Variants in RANBP9 observed in about 807,000 individuals in gnomAD.
The protein encoded by RANBP9 is RAN binding protein 9, also known as ran-binding protein 9.
RANBP9 carries 15 observed loss-of-function variants against 84.3 expected under a neutral mutation model. That is an observed-to-expected ratio of 0.18 (90% CI 0.12 to 0.27). The LOEUF (loss-of-function observed/expected upper bound fraction) is 0.27, where lower values mean the gene tolerates loss of function less well. RANBP9 is among the 10% of genes least tolerant of loss of function. The pLI is 1.00. For missense variants in RANBP9, 809 were observed against 912.8 expected, an observed-to-expected ratio of 0.89 and a Z score of 1.46; for synonymous variants, 392 against 349.6, an observed-to-expected ratio of 1.12 and a Z score of -1.35.
At chr6:13,634,830 T>C (rs147080671) in intron 10 of RANBP9, among the ~76,000 whole-genome samples, 4 of 152,294 alleles carry the variant, frequency 2.6e-5, no homozygotes, top group Admixed American at 2.0e-4. Context: ...GAAATCATAC[T>C]TCCACACAAT....
chr6:13,648,139 TG>T (rs35679401), intron 5 of RANBP9, among the ~76,000 whole-genome samples: 6 of 136,290 alleles, frequency 4.4e-5, no homozygotes, highest in Non-Finnish European at 7.9e-5. Flanking sequence ...CTTATATGAC[TG>T]GTTTTTTTTT....
At chr6:13,709,476 C>T (rs1758217300) in intron 1 of RANBP9, among the ~76,000 whole-genome samples, 1 of 152,302 alleles carries the variant, frequency 6.6e-6, no homozygotes, top group African/African-American at 2.4e-5. Context: ...TTTCTGGCAG[C>T]CAGATCAGAA....
chr6:13,694,639 T>TAATTGG (rs1284045293), intron 2 of RANBP9, among the ~76,000 whole-genome samples: 28 of 152,184 alleles, frequency 1.8e-4, no homozygotes, highest in Admixed American at 1.8e-3. Flanking sequence ...CCAAAAATAT[T>TAATTGG]AATTGGAAAA....
chr6:13,698,657 T>C (rs955383028), intron 1 of RANBP9, among the ~76,000 whole-genome samples: 2 of 152,204 alleles, frequency 1.3e-5, no homozygotes, highest in African/African-American at 4.8e-5. Context: ...GTTACATATA[T>C]TTAATACCGT....
intron 5 of RANBP9, among the ~76,000 whole-genome samples, chr6:13,647,808 G>T (rs1765206008): frequency 6.6e-6 from 1 of 152,076 alleles, no homozygotes; most frequent in African/African-American, 2.4e-5. Flanking sequence ...TCACTGAAAA[G>T]TAAGTATAAT....
intron 1 of RANBP9, among the ~76,000 whole-genome samples, chr6:13,698,576 A>AT (rs1194704820): frequency 6.6e-6 from 1 of 152,202 alleles, no homozygotes; most frequent in Non-Finnish European, 1.5e-5. Flanking sequence ...AAATCCACTG[A>AT]TTTTTTAAGG....
chr6:13,632,598 A>C (rs1764821998), intron 11 of RANBP9, 77 bp from the exon 12 acceptor site: 5 of 1,321,792 alleles, frequency 3.8e-6, no homozygotes, highest in East Asian at 4.7e-5. Flanking sequence ...CATTTCTTAT[A>C]CCATTTTGTA....
chr6:13,629,895 GTC>G (rs35437953), intron 12 of RANBP9, among the ~76,000 whole-genome samples: 20,563 of 143,340 alleles, frequency 0.14, 1,501 homozygotes, highest in Admixed American at 0.21. Flanking sequence ...TCATGTCTCT[GTC>G]TCTCTCTCTC....
chr6:13,652,148 T>G (rs933359572), intron 5 of RANBP9, among the ~76,000 whole-genome samples: 7 of 152,338 alleles, frequency 4.6e-5, no homozygotes, highest in African/African-American at 1.7e-4. Context: ...TTCCCTTTCT[T>G]TCCAAAGTAT....
chr6:13,636,870 T>A (rs1342016842), intron 10 of RANBP9, among the ~76,000 whole-genome samples: 2 of 152,160 alleles, frequency 1.3e-5, no homozygotes, highest in Non-Finnish European at 2.9e-5. Flanking sequence ...GATTTTTTTT[T>A]ACATACAATC....
intron 2 of RANBP9, among the ~76,000 whole-genome samples, chr6:13,669,082 C>T (rs1765715865): frequency 6.6e-6 from 1 of 151,700 alleles, no homozygotes. Context: ...TATTTCTACA[C>T]ACTAGAAATA....
chr6:13,662,519 A>G (rs1370200598), intron 2 of RANBP9, among the ~76,000 whole-genome samples: 1 of 152,116 alleles, frequency 6.6e-6, no homozygotes, highest in Non-Finnish European at 1.5e-5. Context: ...GTATTATGAG[A>G]TGGGGCCTCT....
intron 9 of RANBP9, among the ~76,000 whole-genome samples, chr6:13,638,206 G>A (rs1584916017): frequency 6.6e-6 from 1 of 151,986 alleles, no homozygotes; most frequent in East Asian, 1.9e-4. Flanking sequence ...CCCCTAAAAT[G>A]GCAATATTAT....
At chr6:13,681,248 G>A (rs1584939615) in intron 2 of RANBP9, among the ~76,000 whole-genome samples, 1 of 152,120 alleles carries the variant, frequency 6.6e-6, no homozygotes, top group Non-Finnish European at 1.5e-5. Context: ...ATCAGTGGTT[G>A]TGAGGAGTTG....
At chr6:13,643,306 A>G (rs1423854082) in intron 6 of RANBP9, among the ~76,000 whole-genome samples, 1 of 152,244 alleles carries the variant, frequency 6.6e-6, no homozygotes, top group Non-Finnish European at 1.5e-5. Context: ...ACATCTACCC[A>G]CAAGATGTGG....
At chr6:13,688,326 G>T (rs1395972030) in intron 2 of RANBP9, among the ~76,000 whole-genome samples, 2 of 152,190 alleles carry the variant, frequency 1.3e-5, no homozygotes, top group African/African-American at 4.8e-5. Flanking sequence ...CTGAGCAACT[G>T]AAGGACAGAG....
intron 6 of RANBP9, among the ~76,000 whole-genome samples, 166 bp from the exon 7 acceptor site, chr6:13,642,757 T>C (rs1047433027): frequency 6.6e-6 from 1 of 152,192 alleles, no homozygotes; most frequent in Non-Finnish European, 1.5e-5. Context: ...AAAAACATCA[T>C]TTTGTTCTAT....
At chr6:13,701,943 G>T (rs1253118360) in intron 1 of RANBP9, among the ~76,000 whole-genome samples, 1 of 152,088 alleles carries the variant, frequency 6.6e-6, no homozygotes, top group Non-Finnish European at 1.5e-5. Flanking sequence ...CTGGACTCTG[G>T]AACCAGTTTC....
chr6:13,649,775 A>C (rs535342991), intron 5 of RANBP9, among the ~76,000 whole-genome samples: 1 of 152,212 alleles, frequency 6.6e-6, no homozygotes, highest in African/African-American at 2.4e-5. Flanking sequence ...CCATGGCCAA[A>C]GTCCTCCAGA....
Sources: gnomAD v4.1 joint callset for allele counts (sites outside exome capture counted in the v4.1 genomes callset) on GRCh38, gnomAD v4.1.1 for gene constraint, MANE v1.5 for transcripts, NCBI Gene and HGNC (gene_info 2026-07-23, HGNC 2026-07-21) for gene names.